The following FRMD4B variants were observed in gnomAD, a reference collection of about 807,000 sequenced individuals.
FRMD4B encodes FERM domain containing 4B.
FRMD4B carries 74 observed loss-of-function variants against 141.5 expected under a neutral mutation model. The observed-to-expected ratio is 0.52, with a 90% CI of 0.43 to 0.63. The LOEUF is 0.63. Ranked by LOEUF, FRMD4B falls within the 30% of genes least tolerant of loss-of-function variation. The pLI, the probability that FRMD4B is intolerant of heterozygous loss-of-function variation, is 0.00. For missense variants in FRMD4B, 1,366 were observed against 1,253.4 expected (o/e 1.09, Z -1.36); for synonymous variants, 506 against 467.9 (o/e 1.08, Z -1.05).
chr3:69,342,742 A>G (rs1702779498), intron 1 of FRMD4B, among the ~76,000 whole-genome samples: 1 of 152,182 alleles, frequency 6.6e-6, no homozygotes, highest in African/African-American at 2.4e-5. Context: ...ATCATTTCAA[A>G]CATTTATCAT....
chr3:69,223,047 T>G (rs149258710), intron 8 of FRMD4B, among the ~76,000 whole-genome samples: 1 of 152,184 alleles, frequency 6.6e-6, no homozygotes, highest in African/African-American at 2.4e-5. Flanking sequence ...CTGTGTGCAA[T>G]CTAAAATACT....
intron 1 of FRMD4B, among the ~76,000 whole-genome samples, chr3:69,356,844 G>A (rs1336192588): frequency 6.6e-6 from 1 of 152,006 alleles, no homozygotes; most frequent in African/African-American, 2.4e-5. Flanking sequence ...ATACTCCAAT[G>A]TCACTGTCTG....
chr3:69,420,290 C>CAAAAAAAAAAAAAAAAAA (rs56707719), intron 2 of FRMD4B, among the ~76,000 whole-genome samples: 1 of 131,992 alleles, frequency 7.6e-6, no homozygotes, highest in Non-Finnish European at 1.6e-5. Flanking sequence ...AAAGGGATAT[C>CAAAAAAAAAAAAAAAAAA]AAAAAAAAAA....
chr3:69,282,994 A>T (rs1192785161), intron 5 of FRMD4B, among the ~76,000 whole-genome samples: 2 of 152,238 alleles, frequency 1.3e-5, no homozygotes, highest in Admixed American at 6.5e-5. Context: ...AATAAAATTT[A>T]AAAAATTATC....
chr3:69,528,458 G>A (rs985145005), intron 1 of FRMD4B, among the ~76,000 whole-genome samples: 8 of 151,788 alleles, frequency 5.3e-5, no homozygotes, highest in African/African-American at 1.7e-4. Flanking sequence ...TTGACTTTGT[G>A]GGCTGTGGTG....
At chr3:69,172,664 G>A (rs2092600337) in intron 22 of FRMD4B, among the ~76,000 whole-genome samples, 1 of 152,060 alleles carries the variant, frequency 6.6e-6, no homozygotes, top group African/African-American at 2.4e-5. Context: ...TGGGGTTTAT[G>A]GGTCAGGCAT....
At chr3:69,340,265 G>T (rs1575746068) in intron 1 of FRMD4B, among the ~76,000 whole-genome samples, 1 of 152,006 alleles carries the variant, frequency 6.6e-6, no homozygotes, top group African/African-American at 2.4e-5. Flanking sequence ...TGTCACACAG[G>T]TGCTAAGCAT....
Position 69,212,337 on chromosome 3 carries a change from G to C in FRMD4B, c.876+3926C>G, listed in dbSNP as rs2093090404. On this transcript the variant is annotated intron_variant, in intron 11 of 22. Coordinates refer to ENST00000398540, the MANE Select transcript of FRMD4B (RefSeq NM_015123.3). ...ATCGTGCCATTGCACTCCAGCCTGGGCAACAGAGCGAAACCCCGTCTCAAA... is the reference window on the plus strand; with the variant it reads ...ATCGTGCCATTGCACTCCAGCCTGGCCAACAGAGCGAAACCCCGTCTCAAA... Among the ~76,000 whole-genome samples, 2 of 102,630 alleles carry C rather than the reference G, an allele frequency of 1.9e-5. 1 individual carries two copies. The highest frequency in any genetic ancestry group is 3.6e-5 in the Non-Finnish European group (2 of 56,106). 67.3% of individuals were successfully genotyped at this position (102,630 alleles called of 152,430 possible). A position where few individuals can be genotyped will look rare whatever the true frequency, so the allele number is the denominator to read the frequency against.
chr3:69,462,519 T>C (rs554578236), intron 1 of FRMD4B, among the ~76,000 whole-genome samples: 1 of 152,336 alleles, frequency 6.6e-6, no homozygotes, highest in South Asian at 2.1e-4. Context: ...ACAGGGAGAC[T>C]GAAGCTTGGT....
chr3:69,179,041 C>T (rs1405573872), intron 21 of FRMD4B, among the ~76,000 whole-genome samples: 5 of 151,698 alleles, frequency 3.3e-5, no homozygotes, highest in Non-Finnish European at 7.4e-5. Context: ...AGAATGACGC[C>T]TGCCTGTTGT....
At position 69,300,677 on chromosome 3, in the gene FRMD4B, C is replaced by A. The variant is rs183256975; in HGVS notation, c.416+1666G>T. ...AGTAGGGAACACTACATAAACACTA[C>A]ACCACATGCACAAAAGATGAAAGTG... On this transcript the variant is annotated intron_variant, in intron 4 of 22. Coordinates refer to ENST00000398540, the MANE Select transcript of FRMD4B (RefSeq NM_015123.3). 1.1e-3 allele frequency among the ~76,000 whole-genome samples: 161 copies of A among 152,356 alleles called. 1 individual carries two copies. The highest frequency in any genetic ancestry group is 3.5e-3 in the African/African-American group (145 of 41,582).
chr3:69,214,083 T>C (rs989039243), intron 11 of FRMD4B, among the ~76,000 whole-genome samples: 10 of 152,118 alleles, frequency 6.6e-5, no homozygotes, highest in African/African-American at 2.2e-4. Context: ...CTTTCCCTAA[T>C]CTACCCTTTT....
At chr3:69,223,734 G>C (rs1050956009) in intron 8 of FRMD4B, among the ~76,000 whole-genome samples, 1 of 151,996 alleles carries the variant, frequency 6.6e-6, no homozygotes, top group African/African-American at 2.4e-5. Context: ...TGCTACTCGG[G>C]AAGCTGAGGC....
chr3:69,197,838 G>A (rs1457907791), intron 12 of FRMD4B: 1 of 152,238 alleles, frequency 6.6e-6, no homozygotes, highest in Non-Finnish European at 1.5e-5. Context: ...ACTAAGGACT[G>A]ATTAAGAATT....
intron 11 of FRMD4B, among the ~76,000 whole-genome samples, chr3:69,199,670 C>T (rs78100919): frequency 0.031 from 4,754 of 152,246 alleles, 162 homozygotes; most frequent in East Asian, 0.12. Flanking sequence ...GCTAGAACCT[C>T]CAGTTTTTGA....
At chr3:69,230,764 T>G (rs1373866888) in intron 7 of FRMD4B, among the ~76,000 whole-genome samples, 3 of 151,032 alleles carry the variant, frequency 2.0e-5, no homozygotes, top group Non-Finnish European at 4.4e-5. Flanking sequence ...AAAAAAAAAT[T>G]TACACTAACA....
intron 1 of FRMD4B, among the ~76,000 whole-genome samples, chr3:69,437,788 T>C (rs1705283269): frequency 7.9e-6 from 1 of 126,926 alleles, no homozygotes; most frequent in South Asian, 2.3e-4. Flanking sequence ...ATATACTATA[T>C]TTATATATAT....
At chr3:69,472,849 G>C (rs1037825583) in intron 1 of FRMD4B, among the ~76,000 whole-genome samples, 1 of 151,322 alleles carries the variant, frequency 6.6e-6, no homozygotes, top group African/African-American at 2.4e-5. Context: ...ATTGGGAGTA[G>C]AGGGCTCCAA....
chr3:69,180,360 A>G (rs1365988676), intron 21 of FRMD4B, among the ~76,000 whole-genome samples: 1 of 152,094 alleles, frequency 6.6e-6, no homozygotes, highest in Non-Finnish European at 1.5e-5. Flanking sequence ...GTACCTGCAT[A>G]ATCCCAGGCT....
Sources: allele counts gnomAD v4.1 joint callset (sites outside exome capture counted in the v4.1 genomes callset), GRCh38; gene constraint gnomAD v4.1.1; transcripts MANE v1.5; gene names NCBI Gene and HGNC (gene_info 2026-07-23, HGNC 2026-07-21).